Variants in PSTPIP2 observed in about 807,000 individuals in gnomAD.
The protein encoded by PSTPIP2 is proline-serine-threonine phosphatase interacting protein 2.
In PSTPIP2, 33 loss-of-function variants were observed where a neutral mutation model predicts 63.3. The ratio of observed to expected loss-of-function variants is 0.52; its 90% confidence interval spans 0.40 to 0.70. The LOEUF (loss-of-function observed/expected upper bound fraction) is 0.70, where lower values mean the gene tolerates loss of function less well. PSTPIP2 is among the 30% of genes least tolerant of loss of function. PSTPIP2 has a pLI of 0.00. For missense variants in PSTPIP2, 312 were observed against 400.7 expected, an observed-to-expected ratio of 0.78 and a Z score of 1.89; for synonymous variants, 125 against 132.7, an observed-to-expected ratio of 0.94 and a Z score of 0.40.
chr18:46,028,983 C>A (rs1004277385), intron 2 of PSTPIP2: 4 of 952,776 alleles, frequency 4.2e-6, no homozygotes, highest in Admixed American at 1.7e-5. Context: ...CTGTGCAGTT[C>A]CGTCCTTGTG....
intron 2 of PSTPIP2, among the ~76,000 whole-genome samples, chr18:46,026,986 A>G (rs1907599587): frequency 6.6e-6 from 1 of 152,152 alleles, no homozygotes; most frequent in African/African-American, 2.4e-5. Context: ...GCATGCAACA[A>G]ATAATTTTTA....
intron 2 of PSTPIP2, chr18:46,028,430 G>C: frequency 3.6e-6 from 2 of 552,966 alleles, no homozygotes; most frequent in South Asian, 3.0e-5. Flanking sequence ...CTCCGGCAGC[G>C]GAACCGCCCG....
chr18:46,043,457 A>C (rs1021099989), intron 1 of PSTPIP2, among the ~76,000 whole-genome samples: 1 of 152,134 alleles, frequency 6.6e-6, no homozygotes, highest in Non-Finnish European at 1.5e-5. Flanking sequence ...AAAGACTTCA[A>C]TACCACCTCA....
chr18:45,985,345 G>T lies in PSTPIP2; in HGVS notation c.*114C>A. 2.1e-6 allele frequency: 3 copies of T among 1,400,940 alleles called. No homozygotes were observed. Among genetic ancestry groups the T allele is most frequent in the East Asian group, 2.4e-5 (1 of 42,552 alleles). The allele number at this position is 1,400,940 out of a possible 1,614,324, so 86.8% of individuals were successfully genotyped here. Reference sequence around the variant, plus strand: ...TAAATCTCTAAAAAATTATAGCAAGGGTTCACTTCAAAGTCTTCATTGCTG... The same window carrying T: ...TAAATCTCTAAAAAATTATAGCAAGTGTTCACTTCAAAGTCTTCATTGCTG... On this transcript the variant is annotated 3_prime_UTR_variant, in exon 15 of 15. Coordinates refer to ENST00000409746, the MANE Select transcript of PSTPIP2 (RefSeq NM_024430.4).
chr18:45,992,563 A>C (rs936776306), intron 10 of PSTPIP2, among the ~76,000 whole-genome samples: 1 of 89,842 alleles, frequency 1.1e-5, no homozygotes, highest in African/African-American at 7.4e-5. Flanking sequence ...ACTCCGTCTC[A>C]AAAAAAAAAA....
chr18:45,986,311 T>C (rs2051465904), intron 14 of PSTPIP2, among the ~76,000 whole-genome samples: 1 of 152,182 alleles, frequency 6.6e-6, no homozygotes, highest in Non-Finnish European at 1.5e-5. Context: ...TGAACTCCAG[T>C]GAAATGATAT....
intron 13 of PSTPIP2, among the ~76,000 whole-genome samples, 165 bp from the exon 14 acceptor site, chr18:45,988,924 A>C (rs2051495354): frequency 1.3e-5 from 2 of 152,230 alleles, no homozygotes; most frequent in Non-Finnish European, 2.9e-5. Flanking sequence ...CACGACTCCA[A>C]ACCAGAGGAC....
Position 46,014,111 on chromosome 18 carries a change from T to C in PSTPIP2, c.247+1792A>G, listed in dbSNP as rs111733586. 5.3e-3 allele frequency among the ~76,000 whole-genome samples: 812 copies of C among 152,136 alleles called. 9 individuals are homozygous for C. The highest frequency in any genetic ancestry group is 0.014 in the Middle Eastern group (4 of 294). On this transcript the variant is annotated intron_variant, in intron 4 of 14. Coordinates refer to ENST00000409746, the MANE Select transcript of PSTPIP2 (RefSeq NM_024430.4). ...GATCTCTGCTCACTACTACCTCTAC[T>C]TCCCAGGTTCAAGTGATTCTCGTGC...
At chr18:45,986,344 C>G (rs2051466266) in intron 14 of PSTPIP2, among the ~76,000 whole-genome samples, 1 of 152,202 alleles carries the variant, frequency 6.6e-6, no homozygotes, top group African/African-American at 2.4e-5. Context: ...TGTGTTGGCA[C>G]TAGCATCTTG....
At chr18:46,047,139 CTT>C (rs970065382) in intron 1 of PSTPIP2, among the ~76,000 whole-genome samples, 2 of 152,208 alleles carry the variant, frequency 1.3e-5, no homozygotes, top group Admixed American at 1.3e-4. Flanking sequence ...AAACAGCAGA[CTT>C]GGGATAAAGA....
chr18:46,021,506 T>A (rs1907351970), intron 3 of PSTPIP2, among the ~76,000 whole-genome samples: 1 of 151,426 alleles, frequency 6.6e-6, no homozygotes, highest in Admixed American at 6.6e-5. Context: ...AGGAAAGAAA[T>A]ATAAACATAA....
At chr18:46,022,139 ATCT>A (rs1319212997) in intron 3 of PSTPIP2, among the ~76,000 whole-genome samples, 2 of 152,160 alleles carry the variant, frequency 1.3e-5, no homozygotes, top group Non-Finnish European at 2.9e-5. Flanking sequence ...TGAAAAATAA[ATCT>A]TCTTTGTACT....
At chr18:45,987,658 C>T (rs1310369250) in intron 14 of PSTPIP2, among the ~76,000 whole-genome samples, 1 of 152,172 alleles carries the variant, frequency 6.6e-6, no homozygotes, top group African/African-American at 2.4e-5. Context: ...CTTTTCTTAG[C>T]TCGTGTGTAC....
rs182703750 is a variant in PSTPIP2, at chr18:46,068,564, C to G, written c.33+3592G>C. ...CCACCCGTCTCAGCCTCCCAAAGTG[C>G]TGGGATTACAGGTGTGAGCCACCAT... On this transcript the variant is annotated intron_variant, in intron 1 of 14. Transcript: ENST00000409746. 3.6e-3 allele frequency among the ~76,000 whole-genome samples: 545 copies of G among 151,832 alleles called. 7 individuals carry two copies. Among genetic ancestry groups the G allele is most frequent in the East Asian group, 0.028 (141 of 5,016 alleles).
At chr18:46,021,431 A>G (rs1156945222) in intron 3 of PSTPIP2, among the ~76,000 whole-genome samples, 4 of 150,732 alleles carry the variant, frequency 2.7e-5, no homozygotes, top group Non-Finnish European at 5.9e-5. Flanking sequence ...GTGTATGTGT[A>G]TATATATATA....
At chr18:46,043,776 A>G (rs980412814) in intron 1 of PSTPIP2, among the ~76,000 whole-genome samples, 1 of 152,256 alleles carries the variant, frequency 6.6e-6, no homozygotes, top group Non-Finnish European at 1.5e-5. Context: ...AAAAGTTACT[A>G]AAACTAGTCA....
At chr18:46,072,006 CG>C in intron 1 of PSTPIP2, 149 bp downstream of exon 1, 1 of 1,046,264 alleles carries the variant, frequency 9.6e-7, no homozygotes, top group East Asian at 3.3e-5. Flanking sequence ...GCTGGGGCCC[CG>C]ATCCCTTCAC....
At chr18:46,016,564 A>C (rs567193174) in intron 3 of PSTPIP2, among the ~76,000 whole-genome samples, 2,365 of 152,328 alleles carry the variant, frequency 0.016, 64 homozygotes, top group African/African-American at 0.054. Context: ...ACCTTATCCC[A>C]GACCTCAGAG....
chr18:46,071,247 G>C (rs1397251568), intron 1 of PSTPIP2, among the ~76,000 whole-genome samples: 1 of 152,198 alleles, frequency 6.6e-6, no homozygotes, highest in Non-Finnish European at 1.5e-5. Context: ...GAGGCAAGCA[G>C]GAGCCCCAGT....
Sources: gnomAD v4.1 joint callset for allele counts (sites outside exome capture counted in the v4.1 genomes callset) on GRCh38, gnomAD v4.1.1 for gene constraint, MANE v1.5 for transcripts, NCBI Gene and HGNC (gene_info 2026-07-23, HGNC 2026-07-21) for gene names.